The following STXBP2 variants were observed in gnomAD, a reference collection of about 807,000 sequenced individuals.
STXBP2 encodes syntaxin binding protein 2, also known as syntaxin-binding protein 2.
A neutral mutation model predicts 72.2 loss-of-function variants in STXBP2; 47 were observed. The observed-to-expected ratio is 0.65, with a 90% CI of 0.51 to 0.83. The LOEUF is 0.83. Ranked by LOEUF, STXBP2 falls within the 40% of genes least tolerant of loss-of-function variation. STXBP2 has a pLI of 0.00. For synonymous variants in STXBP2, 367 were observed against 338.7 expected (o/e 1.08, Z -0.92); for missense variants, 702 against 807.6 (o/e 0.87, Z 1.58).
chr19:7,644,783 C>A, intron 14 of STXBP2, 31 bp downstream of exon 14: 1 of 1,613,134 alleles, frequency 6.2e-7, no homozygotes, highest in South Asian at 1.1e-5. Flanking sequence ...GTTGGAACGT[C>A]CCCATTTGCC....
At chr19:7,636,850 G>T (rs1234551080), upstream of STXBP2, 1 of 355,090 alleles carries the variant, frequency 2.8e-6, no homozygotes, top group African/African-American at 2.1e-5. Context: ...AGGGATTATT[G>T]CCCTGCGATC....
rs1599399994 is a variant in STXBP2 at position 7,642,982 on chromosome 19, G to A, written c.961-1G>A. On this transcript the variant is annotated splice_acceptor_variant, in intron 11 of 18. Transcript: ENST00000221283. LOFTEE classifies it high-confidence loss of function. The surrounding 1 kb of genome is among the most constrained non-coding windows in gnomAD (Gnocchi z 6.0). Reference sequence around the variant, plus strand: ...CTACCCTCTTCCCCCTACTTCCCCAGGCGAACATCAAAGACCTATCCCAGA... The same window carrying A: ...CTACCCTCTTCCCCCTACTTCCCCAAGCGAACATCAAAGACCTATCCCAGA... 6.2e-7 allele frequency: 1 copy of A among 1,614,060 alleles called. No individual in the cohort carries two copies. Among genetic ancestry groups the A allele is most frequent in the East Asian group, 2.2e-5 (1 of 44,880 alleles).
At chr19:7,631,817 G>A in the STXBP2 span, 2 of 1,390,694 alleles carry the variant, frequency 1.4e-6, no homozygotes, top group African/African-American at 3.0e-5. Context: ...TCCTGTGGAT[G>A]AAGAGGGGTC....
rs1360277315 is a variant in STXBP2 at position 7,645,259 on chromosome 19, C to T, written c.1309C>T (p.Leu437Phe). Residue 437 changes from leucine to phenylalanine, a missense_variant, in exon 15 of 19, where the codon CTC (leucine) becomes TTC (phenylalanine). Transcript: ENST00000221283. ...QHANVQAHSSLIRNLEQLGGT... is the reference protein window; with the variant it reads ...QHANVQAHSSFIRNLEQLGGT... ...TGCCAATGTACAGGCGCACAGCAGC[C>T]TCATCCGTAACCTGGAGCAGCTGGG... 2 of 1,586,430 alleles carry T rather than the reference C, an allele frequency of 1.3e-6. No individual in the cohort carries two copies. Among genetic ancestry groups the T allele is most frequent in the East Asian group, 2.3e-5 (1 of 43,642 alleles).
At chr19:7,631,662 G>T in the STXBP2 span, 4 of 1,467,082 alleles carry the variant, frequency 2.7e-6, no homozygotes, top group East Asian at 7.7e-5. Flanking sequence ...TTTGGGGGCC[G>T]AGTGAGACCC....
At chr19:7,645,905 C>T (rs1044167187) in intron 15 of STXBP2, 9 of 437,962 alleles carry the variant, frequency 2.1e-5, no homozygotes, top group African/African-American at 1.8e-4. Flanking sequence ...CTCCGTCCCC[C>T]TTCTGTCCCC....
chr19:7,640,312 G>C, intron 4 of STXBP2: 1 of 552,282 alleles, frequency 1.8e-6, no homozygotes, highest in Non-Finnish European at 3.4e-6. Context: ...GTATGTGTGT[G>C]CATCTGTGTG....
At chr19:7,637,088 C>G, upstream of STXBP2, 3 of 1,231,836 alleles carry the variant, frequency 2.4e-6, no homozygotes, top group Admixed American at 4.2e-5. Flanking sequence ...GTGGGTGACG[C>G]GCGGGGCCAC....
chr19:7,642,639 A>T lies in STXBP2; in HGVS notation c.902+103A>T. On this transcript the variant is annotated intron_variant, in intron 10 of 18. Coordinates refer to ENST00000221283, the MANE Select transcript of STXBP2 (RefSeq NM_006949.4). This position sits in a 1 kb window ranked among gnomAD's most constrained non-coding sequence, Gnocchi z 6.0. Reference sequence around the variant, plus strand: ...TGCCAAGTCTTTGGCCCTCATGAGCACCCCTCGTGTGACTCCAGACTGGCC... The same window carrying T: ...TGCCAAGTCTTTGGCCCTCATGAGCTCCCCTCGTGTGACTCCAGACTGGCC... The T allele has an allele frequency of 6.7e-7, 1 of 1,502,254 alleles. No homozygotes were observed. Among genetic ancestry groups the T allele is most frequent in the Non-Finnish European group, 9.2e-7 (1 of 1,083,582 alleles). 93.1% of individuals were successfully genotyped at this position (1,502,254 alleles called of 1,614,324 possible).
At chr19:7,634,218 G>A (rs946198231), upstream of STXBP2, among the ~76,000 whole-genome samples, 5 of 152,182 alleles carry the variant, frequency 3.3e-5, no homozygotes, top group African/African-American at 4.8e-5. Flanking sequence ...GGGAGAGGAC[G>A]TCCCTGCCTT....
In STXBP2 at chr19:7,642,713, T is replaced by A; in HGVS notation, c.903-53T>A. ...TGTCCCCCCTGAGTGGGCTCACCCA[T>A]GGCCTGTGGCTCCTCTCCCCTCACT... On this transcript the variant is annotated intron_variant, in intron 10 of 18. Coordinates refer to ENST00000221283, the MANE Select transcript of STXBP2 (RefSeq NM_006949.4). The surrounding 1 kb of genome is among the most constrained non-coding windows in gnomAD (Gnocchi z 6.0). 1.3e-6 allele frequency: 2 copies of A among 1,593,188 alleles called. No individual in the cohort carries two copies. The highest frequency in any genetic ancestry group is 1.7e-6 in the Non-Finnish European group (2 of 1,162,982).
chr19:7,646,172 C>A, intron 15 of STXBP2, 77 bp from the exon 16 acceptor site: 2 of 1,274,852 alleles, frequency 1.6e-6, no homozygotes, highest in Non-Finnish European at 2.2e-6. Flanking sequence ...ACCCTACCAG[C>A]CACACCAGGC....
intron 15 of STXBP2, 23 bp downstream of exon 15, chr19:7,645,329 G>A (rs767294936): frequency 1.3e-6 from 2 of 1,556,816 alleles, no homozygotes; most frequent in African/African-American, 1.4e-5. Context: ...CGGGCATGGG[G>A]GGACCCTGGG....
chr19:7,641,987 T>C lies in STXBP2; in HGVS notation c.579-47T>C, dbSNP rs763749154. 1.5e-5 allele frequency: 24 copies of C among 1,611,638 alleles called. No homozygotes were observed. The South Asian group carries it at 2.6e-4, about 18-fold the overall frequency. On this transcript the variant is annotated intron_variant, in intron 7 of 18. Transcript: ENST00000221283. ...TGACTCTCACCTTCAAACCCATCCT[T>C]GACCCCATCCCCTGATGATGTCCCC...
rs34833262 is a variant in STXBP2 at position 7,640,554 on chromosome 19, C to CTGTG, written c.247-170_247-167dup. ...TGTATGTGTGTGTGCGTGCGTGCAT[C>CTGTG]TGTGTGTGTGCGCGTGTGCCCATGT... On this transcript the variant is annotated intron_variant, in intron 4 of 18. Coordinates refer to ENST00000221283, the MANE Select transcript of STXBP2 (RefSeq NM_006949.4). 18 of 745,538 alleles carry CTGTG rather than the reference C, an allele frequency of 2.4e-5. No homozygotes were observed. The East Asian group carries it at 4.6e-4, about 19-fold the overall frequency. 46.2% of individuals were successfully genotyped at this position (745,538 alleles called of 1,614,324 possible). A position where few individuals can be genotyped will look rare whatever the true frequency, so the allele number is the denominator to read the frequency against.
At chr19:7,645,821 C>G (rs2032110916) in intron 15 of STXBP2, 1 of 325,710 alleles carries the variant, frequency 3.1e-6, no homozygotes, top group East Asian at 4.8e-5. Context: ...TGCACTGTTT[C>G]TCCATATCTC....
chr19:7,632,333 G>A, upstream of STXBP2: 1 of 1,600,800 alleles, frequency 6.2e-7, no homozygotes, highest in Non-Finnish European at 8.5e-7. This position sits in a 1 kb window ranked among gnomAD's most constrained non-coding sequence, Gnocchi z 5.2. Flanking sequence ...GGGGTGGAGG[G>A]CAGGATCGGA....
intron 14 of STXBP2, 188 bp from the exon 15 acceptor site, chr19:7,645,009 G>C (rs960259896): frequency 5.0e-5 from 72 of 1,450,798 alleles, no homozygotes; most frequent in Non-Finnish European, 6.2e-5. Context: ...CAGCTCATCT[G>C]GAGGAGCCCC....
At chr19:7,645,426 C>A in intron 15 of STXBP2, 120 bp downstream of exon 15, 1 of 989,140 alleles carries the variant, frequency 1.0e-6, no homozygotes, top group Non-Finnish European at 1.5e-6. Context: ...GGTGTGGTTG[C>A]TGGGAGGCCA....
Sources: allele counts gnomAD v4.1 joint callset (sites outside exome capture counted in the v4.1 genomes callset), GRCh38; gene constraint gnomAD v4.1.1; non-coding constraint Gnocchi (gnomAD v3.1); transcripts MANE v1.5; gene names NCBI Gene and HGNC (gene_info 2026-07-23, HGNC 2026-07-21).